The following FSIP1 variants were observed in gnomAD, a reference collection of about 807,000 sequenced individuals.
The protein encoded by FSIP1 is fibrous sheath interacting protein 1.
In FSIP1, 65 loss-of-function variants were observed where a neutral mutation model predicts 60.9. The ratio of observed to expected loss-of-function variants is 1.07; its 90% confidence interval spans 0.87 to 1.31. The LOEUF is 1.31. Among genes scored for constraint, FSIP1 ranks in the 40% most tolerant of loss-of-function variants. The pLI, the probability that FSIP1 is intolerant of heterozygous loss-of-function variation, is 0.00. For missense variants in FSIP1, 675 were observed against 665.5 expected (o/e 1.01, Z -0.16); for synonymous variants, 209 against 221.2 (o/e 0.94, Z 0.49).
chr15:39,723,220 C>G (rs1342100370), intron 9 of FSIP1, among the ~76,000 whole-genome samples: 1 of 152,142 alleles, frequency 6.6e-6, no homozygotes, highest in Non-Finnish European at 1.5e-5. Context: ...ATGCAAAAGT[C>G]AAATTTGAAG....
intron 10 of FSIP1, among the ~76,000 whole-genome samples, chr15:39,623,950 C>A (rs1891540521): frequency 6.6e-6 from 1 of 152,208 alleles, no homozygotes; most frequent in Non-Finnish European, 1.5e-5. Flanking sequence ...TGAACTGACT[C>A]TGTAAGAGTA....
chr15:39,774,474 C>CAAAA (rs201038941), intron 2 of FSIP1, among the ~76,000 whole-genome samples: 2 of 116,290 alleles, frequency 1.7e-5, no homozygotes. Flanking sequence ...GAGCAAGACT[C>CAAAA]AAAAAAAAAA....
At chr15:39,694,701 G>A (rs1170532309) in intron 10 of FSIP1, among the ~76,000 whole-genome samples, 1 of 151,928 alleles carries the variant, frequency 6.6e-6, no homozygotes, top group South Asian at 2.1e-4. Context: ...TCAGGAGGCC[G>A]AGGCAGGAAA....
At chr15:39,694,523 G>A (rs1012075243) in intron 10 of FSIP1, among the ~76,000 whole-genome samples, 8 of 152,064 alleles carry the variant, frequency 5.3e-5, no homozygotes, top group East Asian at 3.9e-4. Context: ...ATTTTTGGCC[G>A]GTCATGGTGG....
chr15:39,669,443 T>C (rs1210666073), intron 10 of FSIP1, among the ~76,000 whole-genome samples: 1 of 152,262 alleles, frequency 6.6e-6, no homozygotes, highest in Non-Finnish European at 1.5e-5. Flanking sequence ...CTGTGCTTTC[T>C]TACTTTGGAG....
At chr15:39,614,015 G>GC in intron 11 of FSIP1, among the ~76,000 whole-genome samples, 1 of 152,184 alleles carries the variant, frequency 6.6e-6, no homozygotes, top group African/African-American at 2.4e-5. Flanking sequence ...AAAGTAGAAA[G>GC]CTTTTCCACA....
intron 11 of FSIP1, 143 bp from the exon 12 acceptor site, chr15:39,601,069 C>A: frequency 1.7e-6 from 1 of 587,630 alleles, no homozygotes; most frequent in South Asian, 2.9e-5. Flanking sequence ...ACTGAACAGT[C>A]ACCACGAGCT....
At chr15:39,663,511 T>C (rs529202659) in intron 10 of FSIP1, among the ~76,000 whole-genome samples, 6 of 152,246 alleles carry the variant, frequency 3.9e-5, no homozygotes, top group Admixed American at 6.5e-5. Flanking sequence ...GGGAAGGTAA[T>C]GAAAATTCCC....
intron 10 of FSIP1, among the ~76,000 whole-genome samples, chr15:39,686,753 T>TA (rs1285682263): frequency 1.3e-5 from 2 of 152,236 alleles, no homozygotes; most frequent in East Asian, 3.8e-4. Flanking sequence ...AGGTCTAGAT[T>TA]ATGACCTTGT....
At chr15:39,772,692 G>T (rs1897930280) in intron 2 of FSIP1, among the ~76,000 whole-genome samples, 1 of 151,952 alleles carries the variant, frequency 6.6e-6, no homozygotes, top group Non-Finnish European at 1.5e-5. Flanking sequence ...CCGGGTTCAA[G>T]CAATTCTTCT....
intron 5 of FSIP1, among the ~76,000 whole-genome samples, chr15:39,750,476 T>C (rs1897130209): frequency 6.6e-6 from 1 of 151,440 alleles, no homozygotes; most frequent in Non-Finnish European, 1.5e-5. Flanking sequence ...ATCCCAAAAA[T>C]AAATCCAAAC....
At chr15:39,772,158 A>C (rs912489670) in intron 2 of FSIP1, among the ~76,000 whole-genome samples, 2 of 152,098 alleles carry the variant, frequency 1.3e-5, no homozygotes, top group Admixed American at 6.6e-5. Flanking sequence ...TTCCCACCCC[A>C]CTAGCTACCA....
At chr15:39,635,429 A>ATGTTCCAGT (rs1386234381) in intron 10 of FSIP1, among the ~76,000 whole-genome samples, 1 of 152,134 alleles carries the variant, frequency 6.6e-6, no homozygotes, top group Non-Finnish European at 1.5e-5. Flanking sequence ...AAGAGGACAC[A>ATGTTCCAGT]TGTTCCAGTA....
At chr15:39,652,244 C>T (rs528969860) in intron 10 of FSIP1, among the ~76,000 whole-genome samples, 49 of 152,178 alleles carry the variant, frequency 3.2e-4, no homozygotes, top group Non-Finnish European at 6.3e-4. Flanking sequence ...AATGCTAGTG[C>T]TATTCAAGAA....
At chr15:39,666,695 G>A (rs1056388496) in intron 10 of FSIP1, among the ~76,000 whole-genome samples, 2 of 152,064 alleles carry the variant, frequency 1.3e-5, no homozygotes, top group African/African-American at 4.8e-5. Context: ...TTTTCTTAGC[G>A]GCAGCACTGA....
chr15:39,635,497 C>CGGAT (rs1892095594), intron 10 of FSIP1, among the ~76,000 whole-genome samples: 1 of 152,060 alleles, frequency 6.6e-6, no homozygotes, highest in Admixed American at 6.5e-5. Flanking sequence ...TTCAAAGGGC[C>CGGAT]GGATCTAGCA....
At chr15:39,762,268 A>G (rs1897526638) in intron 5 of FSIP1, among the ~76,000 whole-genome samples, 1 of 152,216 alleles carries the variant, frequency 6.6e-6, no homozygotes. Context: ...GTGTCAGCAG[A>G]GCATTCCTTC....
intron 10 of FSIP1, among the ~76,000 whole-genome samples, chr15:39,696,727 A>G (rs1361687312): frequency 6.6e-6 from 1 of 152,200 alleles, no homozygotes; most frequent in Non-Finnish European, 1.5e-5. Flanking sequence ...TAGTACCATA[A>G]TGTATTGTTA....
At chr15:39,617,220 A>G (rs1314516133) in intron 11 of FSIP1, among the ~76,000 whole-genome samples, 3 of 152,196 alleles carry the variant, frequency 2.0e-5, no homozygotes, top group Non-Finnish European at 4.4e-5. Flanking sequence ...AAAACTAGTT[A>G]TTGTTGTATC....
Sources: allele counts gnomAD v4.1 joint callset (sites outside exome capture counted in the v4.1 genomes callset), GRCh38; gene constraint gnomAD v4.1.1; transcripts MANE v1.5; gene names NCBI Gene and HGNC (gene_info 2026-07-23, HGNC 2026-07-21).